The following RPTOR variants were observed in gnomAD, a reference collection of about 807,000 sequenced individuals.
RPTOR encodes regulatory associated protein of MTOR complex 1, also known as regulatory-associated protein of mTOR.
In RPTOR, 21 loss-of-function variants were observed where a neutral mutation model predicts 169.9. That is an observed-to-expected ratio of 0.12 (90% CI 0.09 to 0.18). The LOEUF is 0.18. Among genes scored for constraint, RPTOR ranks in the 10% least tolerant of loss-of-function variants. The pLI is 1.00. For synonymous variants in RPTOR, 732 were observed against 753.2 expected (o/e 0.97, Z 0.46); for missense variants, 1,133 against 1,855.9 (o/e 0.61, Z 7.16).
At chr17:80,796,654 T>C (rs552748092) in intron 7 of RPTOR, among the ~76,000 whole-genome samples, 162 of 152,332 alleles carry the variant, frequency 1.1e-3, no homozygotes, top group African/African-American at 3.6e-3. Context: ...CCAAACCATA[T>C]CACAGTCGCT....
intron 5 of RPTOR, among the ~76,000 whole-genome samples, chr17:80,733,913 C>T (rs1206530114): frequency 1.3e-5 from 2 of 152,172 alleles, no homozygotes; most frequent in African/African-American, 2.4e-5. Flanking sequence ...TCATTTCTTC[C>T]ATTTTCAAGG....
At position 80,708,385 on chromosome 17, in the gene RPTOR, T is replaced by C. The variant is rs776368575; in HGVS notation, c.507+386T>C. On this transcript the variant is annotated intron_variant, in intron 4 of 33. Transcript: ENST00000306801. The surrounding 1 kb of genome is among the most constrained non-coding windows in gnomAD (Gnocchi z 4.2). ...TGATTTTCTTAGAAAATAAAGTGTTTTATATATTCTAAAGGGCTAATTCCA... is the reference window on the plus strand; with the variant it reads ...TGATTTTCTTAGAAAATAAAGTGTTCTATATATTCTAAAGGGCTAATTCCA... Among the ~76,000 whole-genome samples, 1 of 152,250 alleles carries C rather than the reference T, an allele frequency of 6.6e-6. No homozygotes were observed. Among genetic ancestry groups the C allele is most frequent in the Non-Finnish European group, 1.5e-5 (1 of 68,040 alleles).
At chr17:80,564,730 G>A (rs2084555544) in intron 1 of RPTOR, among the ~76,000 whole-genome samples, 1 of 149,578 alleles carries the variant, frequency 6.7e-6, no homozygotes. Flanking sequence ...TTTTTTTTCA[G>A]ATCCTCTCCC....
rs1222039747 is a variant in RPTOR at position 80,562,168 on chromosome 17, C to T, written c.162+16377C>T. Among the ~76,000 whole-genome samples the T allele has an allele frequency of 1.3e-5, 2 of 152,006 alleles. No homozygotes were observed. The highest frequency in any genetic ancestry group is 4.8e-5 in the African/African-American group (2 of 41,388). On this transcript the variant is annotated intron_variant, in intron 1 of 33. Transcript: ENST00000306801. The surrounding 1 kb of genome is among the most constrained non-coding windows in gnomAD (Gnocchi z 4.4). ...GCAGAATTGCGACCCTTGGTGACTG[C>T]TTGGGTGCAGGAGGATGCAGGGTGA...
At chr17:80,598,758 A>G (rs2065162753) in intron 1 of RPTOR, among the ~76,000 whole-genome samples, 1 of 152,238 alleles carries the variant, frequency 6.6e-6, no homozygotes, top group Non-Finnish European at 1.5e-5. Flanking sequence ...AAGGCACCGG[A>G]CATGAAGCTG....
At position 80,874,398 on chromosome 17, in the gene RPTOR, T is replaced by C. The variant is rs1226822116; in HGVS notation, c.1510-6017T>C. Among the ~76,000 whole-genome samples, 8 of 152,300 alleles carry C rather than the reference T, an allele frequency of 5.3e-5. No individual in the cohort carries two copies. The East Asian group carries it at 9.6e-4, about 18-fold the overall frequency. On this transcript the variant is annotated intron_variant, in intron 13 of 33. Transcript: ENST00000306801. ...TTCTAGTAGAGATGGGGTTTCACCG[T>C]GTTAGCCAGGATGGTCTCCGTCTCT...
At chr17:80,624,959 G>A (rs933922044) in intron 1 of RPTOR, among the ~76,000 whole-genome samples, 1 of 152,202 alleles carries the variant, frequency 6.6e-6, no homozygotes, top group Non-Finnish European at 1.5e-5. Context: ...GATGGGGAGT[G>A]TGGAAGGTGT....
intron 4 of RPTOR, among the ~76,000 whole-genome samples, chr17:80,713,508 C>G (rs1280010929): frequency 6.6e-6 from 1 of 152,136 alleles, no homozygotes; most frequent in Non-Finnish European, 1.5e-5. Context: ...CGCTTTTTCA[C>G]AAGTTTTTGT....
intron 6 of RPTOR, among the ~76,000 whole-genome samples, chr17:80,767,092 G>A (rs2066794951): frequency 6.6e-6 from 1 of 152,212 alleles, no homozygotes; most frequent in African/African-American, 2.4e-5. Context: ...AGAATAAGGG[G>A]CCAGGTGCGG....
intron 20 of RPTOR, among the ~76,000 whole-genome samples, chr17:80,894,988 A>G (rs2068380158): frequency 6.6e-6 from 1 of 152,256 alleles, no homozygotes; most frequent in Admixed American, 6.5e-5. Context: ...TTCAATATGT[A>G]TCTTTGATGG....
In RPTOR at chr17:80,846,105, C is replaced by T. The variant is rs545664959; in HGVS notation, c.1213-368C>T. ...AGCCAGACTTGCCTGCTGATCCACA[C>T]ACTCACGGGGTCCCCTGCCCCCGGC... On this transcript the variant is annotated intron_variant, in intron 10 of 33. Transcript: ENST00000306801. Among the ~76,000 whole-genome samples the T allele has an allele frequency of 7.0e-4, 106 of 152,402 alleles. 1 individual carries two copies. The highest frequency in any genetic ancestry group is 1.3e-3 in the Admixed American group (20 of 15,314).
At chr17:80,946,831 C>A (rs567166170) in intron 26 of RPTOR, among the ~76,000 whole-genome samples, 1 of 152,324 alleles carries the variant, frequency 6.6e-6, no homozygotes, top group African/African-American at 2.4e-5. Flanking sequence ...TTTGGGGATA[C>A]GCCCAGAGTG....
chr17:80,606,447 C>A (rs2065230187), intron 1 of RPTOR, among the ~76,000 whole-genome samples: 1 of 151,896 alleles, frequency 6.6e-6, no homozygotes, highest in Non-Finnish European at 1.5e-5. Flanking sequence ...CTCCTGGTAC[C>A]AGTAAACTTT....
intron 7 of RPTOR, 115 bp from the exon 8 acceptor site, chr17:80,822,086 T>A: frequency 1.1e-6 from 1 of 896,550 alleles, no homozygotes; most frequent in Non-Finnish European, 1.8e-6. Context: ...GCTCAGAGCC[T>A]TCCTCCCTCG....
chr17:80,952,557 C>T (rs1389727936), intron 28 of RPTOR, among the ~76,000 whole-genome samples: 2 of 152,244 alleles, frequency 1.3e-5, no homozygotes, highest in East Asian at 1.9e-4. Context: ...CTCAGGCACA[C>T]GCAAGCCAGG....
chr17:80,774,353 A>G (rs1390727077), intron 6 of RPTOR: 2 of 985,256 alleles, frequency 2.0e-6, no homozygotes, highest in Non-Finnish European at 2.4e-6. Context: ...GAATTGTATC[A>G]TATTTCACAA....
chr17:80,600,941 T>A (rs1362460624), intron 1 of RPTOR, among the ~76,000 whole-genome samples: 1 of 146,616 alleles, frequency 6.8e-6, no homozygotes, highest in East Asian at 2.0e-4. Context: ...GTGCCCTCTC[T>A]GCAGTGTAAC....
In RPTOR at chr17:80,947,065, C is replaced by T. The variant is rs2069112824; in HGVS notation, c.3141-162C>T. Among the ~76,000 whole-genome samples, 2 of 152,242 alleles carry T rather than the reference C, an allele frequency of 1.3e-5. No homozygotes were observed. The highest frequency in any genetic ancestry group is 4.1e-4 in the South Asian group (2 of 4,836). On this transcript the variant is annotated intron_variant, in intron 26 of 33. Coordinates refer to ENST00000306801, the MANE Select transcript of RPTOR (RefSeq NM_020761.3). This position sits in a 1 kb window ranked among gnomAD's most constrained non-coding sequence, Gnocchi z 4.4. Reference sequence around the variant, plus strand: ...CTCCCAGGCTCCAACAGTCCTCCTGCTTCAGCCTCCCAAGTAGCTAGGATG... The same window carrying T: ...CTCCCAGGCTCCAACAGTCCTCCTGTTTCAGCCTCCCAAGTAGCTAGGATG...
chr17:80,638,347 C>G (rs747737763), intron 2 of RPTOR, among the ~76,000 whole-genome samples: 1 of 151,382 alleles, frequency 6.6e-6, no homozygotes, highest in African/African-American at 2.4e-5. Flanking sequence ...AGCTCTGTGC[C>G]CACAGCTGAA....
Sources: gnomAD v4.1 joint callset for allele counts (sites outside exome capture counted in the v4.1 genomes callset) on GRCh38, gnomAD v4.1.1 for gene constraint, Gnocchi (gnomAD v3.1) non-coding constraint, MANE v1.5 for transcripts, NCBI Gene and HGNC (gene_info 2026-07-23, HGNC 2026-07-21) for gene names.